Variants in SHISA8 observed in about 807,000 individuals in gnomAD.
SHISA8 encodes shisa family member 8.
A neutral mutation model predicts 21.1 loss-of-function variants in SHISA8; 21 were observed. The observed-to-expected ratio is 0.99, with a 90% CI of 0.71 to 1.43. The LOEUF (loss-of-function observed/expected upper bound fraction) is 1.43, where lower values mean the gene tolerates loss of function less well. Among genes scored for constraint, SHISA8 ranks in the 40% most tolerant of loss-of-function variants. The probability of loss-of-function intolerance (pLI) is 0.00; values close to 1 mark genes in which losing one functional copy is unlikely to be tolerated. For missense variants in SHISA8, 535 were observed against 599.1 expected, an observed-to-expected ratio of 0.89 and a Z score of 1.12; for synonymous variants, 300 against 291.4, an observed-to-expected ratio of 1.03 and a Z score of -0.30.
chr22:41,913,333 G>A (rs928758247), intron 1 of SHISA8, among the ~76,000 whole-genome samples: 8 of 152,272 alleles, frequency 5.3e-5, no homozygotes, highest in African/African-American at 9.6e-5. Context: ...TGCTGGGACC[G>A]GGTGGATGAG....
At chr22:41,911,863 A>G (rs1275523404) in intron 1 of SHISA8, among the ~76,000 whole-genome samples, 1 of 152,114 alleles carries the variant, frequency 6.6e-6, no homozygotes, top group Non-Finnish European at 1.5e-5. Context: ...CTCCAGCCTC[A>G]GCTTCCCTAG....
chr22:41,910,231 G>T lies in SHISA8; in HGVS notation c.812-84C>A. 8.2e-7 allele frequency: 1 copy of T among 1,226,508 alleles called. No individual in the cohort carries two copies. The highest frequency in any genetic ancestry group is 4.3e-5 in the Admixed American group (1 of 23,280). 76.0% of individuals were successfully genotyped at this position (1,226,508 alleles called of 1,614,324 possible). Reference sequence around the variant, plus strand: ...ACAAGGGGTCCCGGCCGGGGACTGGGACGGGGACCGGGCCGGGGCGGGCCG... The same window carrying T: ...ACAAGGGGTCCCGGCCGGGGACTGGTACGGGGACCGGGCCGGGGCGGGCCG... On this transcript the variant is annotated intron_variant, in intron 3 of 3. Transcript: ENST00000621082. This position sits in a 1 kb window ranked among gnomAD's most constrained non-coding sequence, Gnocchi z 6.8.
chr22:41,913,568 C>G (rs7292594), intron 1 of SHISA8, among the ~76,000 whole-genome samples: 2,484 of 152,340 alleles, frequency 0.016, 71 homozygotes, highest in African/African-American at 0.058. Context: ...AGTCCCCTTT[C>G]TACGCAGAGG....
Position 41,909,599 on chromosome 22 carries a change from G to T in SHISA8, c.*166C>A. On this transcript the variant is annotated 3_prime_UTR_variant, in exon 4 of 4. Transcript: ENST00000621082. ...CTCAGGGGCAGGAACCACATAAAAG[G>T]GCTTATTTACAAGACGAACCCGCGG... 1 of 898,902 alleles carries T rather than the reference G, an allele frequency of 1.1e-6. No homozygotes were observed. The highest frequency in any genetic ancestry group is 1.5e-6 in the Non-Finnish European group (1 of 663,106). The allele number at this position is 898,902 out of a possible 1,614,324, so 55.7% of individuals were successfully genotyped here. A position where few individuals can be genotyped will look rare whatever the true frequency, so the allele number is the denominator to read the frequency against.
chr22:41,913,081 G>A (rs2146577304), intron 1 of SHISA8, among the ~76,000 whole-genome samples: 1 of 152,374 alleles, frequency 6.6e-6, no homozygotes, highest in Admixed American at 6.5e-5. Flanking sequence ...CAGTGCAGAA[G>A]CTGAGGGTGG....
rs1320032914 is a variant in SHISA8, at chr22:41,911,251, TC to T, written c.628del (p.Asp210ThrfsTer41). The T allele has an allele frequency of 7.8e-7, 1 of 1,282,448 alleles. No individual in the cohort carries two copies. The highest frequency in any genetic ancestry group is 2.6e-5 in the South Asian group (1 of 38,132). The allele number at this position is 1,282,448 out of a possible 1,614,324, so 79.4% of individuals were successfully genotyped here. ...LGGCVQVQMG[D>X]GLPRGSPHNS... ...GTGGGGGGAGCCCCGGGGGAGGCCG[TC>T]CCCCATCTGCACCTGGACACAGCCA... On this transcript the variant is annotated frameshift_variant, in exon 2 of 4. Transcript: ENST00000621082. LOFTEE classifies it high-confidence loss of function.
rs1286745408 is a variant in SHISA8 at position 41,914,850 on chromosome 22, C to T, written c.-183G>A. On this transcript the variant is annotated 5_prime_UTR_variant, in exon 1 of 4. Transcript: ENST00000621082. The surrounding 1 kb of genome is among the most constrained non-coding windows in gnomAD (Gnocchi z 6.8). ...GTCTGGAGCTCCGAGGCCGCACCTC[C>T]GGTGGGCGCGTCCTCCGCCCGGGCT... 1.3e-5 allele frequency among the ~76,000 whole-genome samples: 2 copies of T among 151,264 alleles called. No individual in the cohort carries two copies. Among genetic ancestry groups the T allele is most frequent in the South Asian group, 2.1e-4 (1 of 4,836 alleles).
At position 41,910,510 on chromosome 22, in the gene SHISA8, C is replaced by T; in HGVS notation, c.709G>A (p.Gly237Arg). Residue 237 changes from glycine to arginine, a missense_variant, in exon 3 of 4, where the codon GGG (glycine) becomes AGG (arginine). Gly to Arg is a moderately radical substitution (Grantham distance 125). Coordinates refer to ENST00000621082, the MANE Select transcript of SHISA8 (RefSeq NM_001207020.3). The surrounding 1 kb of genome is among the most constrained non-coding windows in gnomAD (Gnocchi z 6.8). ...NNAPRGSAAPGPPRGPRLQGG... is the reference protein window; with the variant it reads ...NNAPRGSAAPRPPRGPRLQGG... ...TGCAGCCGCGGGCCGCGCGGGGGCC[C>T]CGGGGCGGCCGACCCCCGGGGCGCG... 9 of 1,254,098 alleles carry T rather than the reference C, an allele frequency of 7.2e-6. No homozygotes were observed. Among genetic ancestry groups the T allele is most frequent in the Non-Finnish European group, 8.9e-6 (9 of 1,005,860 alleles). The allele number at this position is 1,254,098 out of a possible 1,614,324, so 77.7% of individuals were successfully genotyped here. A position where few individuals can be genotyped will look rare whatever the true frequency, so the allele number is the denominator to read the frequency against.
At chr22:41,911,807 G>A (rs12628271) in intron 1 of SHISA8, among the ~76,000 whole-genome samples, 2 of 152,026 alleles carry the variant, frequency 1.3e-5, no homozygotes, top group East Asian at 3.8e-4. Flanking sequence ...GTGCAATGGC[G>A]CAATCTTGGC....
chr22:41,914,205 C>T lies in SHISA8; in HGVS notation c.463G>A (p.Ala155Thr). 6.8e-7 allele frequency: 1 copy of T among 1,463,200 alleles called. No homozygotes were observed. Among genetic ancestry groups the T allele is most frequent in the Non-Finnish European group, 9.0e-7 (1 of 1,116,604 alleles). 90.6% of individuals were successfully genotyped at this position (1,463,200 alleles called of 1,614,324 possible). ...AGTCCCAGGCGCGCCCCGATGCCGG[C>T]CAGCACCAGCAGCGCTGCGACGCCG... ...VCGVAALLVL[A>T]GIGARLGLER... is the part of the protein sequence containing the mutation. The change falls in exon 1 of 4, where the codon GCC becomes ACC. Residue 155 changes from alanine (A) to threonine (T), a missense_variant. Physicochemically the swap from Ala to Thr is moderately conservative, Grantham distance 58. Transcript: ENST00000621082. The surrounding 1 kb of genome is among the most constrained non-coding windows in gnomAD (Gnocchi z 6.8).
Position 41,914,658 on chromosome 22 carries a change from C to T in SHISA8, c.10G>A (p.Ala4Thr), listed in dbSNP as rs892909374. ...CCGCCGAGCAGTCCCCGCGCCCCGGCCCGCGCCATCGGGCCCGCGCCTCCC... is the reference window on the plus strand; with the variant it reads ...CCGCCGAGCAGTCCCCGCGCCCCGGTCCGCGCCATCGGGCCCGCGCCTCCC... The part of the protein sequence containing the change: MAR[A>T]GARGLLGGRR... The change falls in exon 1 of 4, where the codon GCC (alanine) becomes ACC (threonine). Residue 4 changes from alanine to threonine, a missense_variant. Coordinates refer to ENST00000621082, the MANE Select transcript of SHISA8 (RefSeq NM_001207020.3). This position sits in a 1 kb window ranked among gnomAD's most constrained non-coding sequence, Gnocchi z 6.8. The T allele has an allele frequency of 1.8e-4, 188 of 1,019,084 alleles. No individual in the cohort carries two copies. Among genetic ancestry groups the T allele is most frequent in the Non-Finnish European group, 2.1e-4 (183 of 853,910 alleles). 63.1% of individuals were successfully genotyped at this position (1,019,084 alleles called of 1,614,324 possible). A position where few individuals can be genotyped will look rare whatever the true frequency, so the allele number is the denominator to read the frequency against.
At chr22:41,912,520 T>C (rs1163356431) in intron 1 of SHISA8, among the ~76,000 whole-genome samples, 1 of 152,178 alleles carries the variant, frequency 6.6e-6, no homozygotes, top group African/African-American at 2.4e-5. Context: ...CTCAAGCTCC[T>C]GTCTCCCTGA....
In SHISA8 at chr22:41,909,795, C is replaced by T; in HGVS notation, c.1164G>A (p.Arg388=). ...CGGTGACCTCGGTCTTGCTATTGGT[C>T]CTTAGGTACCGGGACCCGCGGCCCG... ...GSAGRGSRYL[R]TNSKTEVTV The change falls in exon 4 of 4, where the codon AGG becomes AGA. Residue 388 remains arginine (R), a synonymous_variant. Coordinates refer to ENST00000621082, the MANE Select transcript of SHISA8 (RefSeq NM_001207020.3). The T allele has an allele frequency of 1.3e-6, 2 of 1,502,174 alleles. No homozygotes were observed. Among genetic ancestry groups the T allele is most frequent in the Non-Finnish European group, 1.8e-6 (2 of 1,130,830 alleles). The allele number at this position is 1,502,174 out of a possible 1,614,324, so 93.1% of individuals were successfully genotyped here.
In SHISA8 at chr22:41,909,993, C is replaced by G; in HGVS notation, c.966G>C (p.Pro322=). 7.6e-7 allele frequency: 1 copy of G among 1,317,140 alleles called. No homozygotes were observed. The highest frequency in any genetic ancestry group is 9.6e-7 in the Non-Finnish European group (1 of 1,041,466). The allele number at this position is 1,317,140 out of a possible 1,614,324, so 81.6% of individuals were successfully genotyped here. The change falls in exon 4 of 4, where the codon CCG becomes CCC. Residue 322 remains proline (P), a synonymous_variant. Coordinates refer to ENST00000621082, the MANE Select transcript of SHISA8 (RefSeq NM_001207020.3). ...APPVYAPPAA[P]GPYAAWTSSR... ...TGGAGGTCCAGGCGGCATAGGGGCC[C>G]GGCGCGGCAGGGGGCGCGTAGACCG...
chr22:41,911,977 G>A (rs575825366), intron 1 of SHISA8, among the ~76,000 whole-genome samples: 3 of 152,118 alleles, frequency 2.0e-5, no homozygotes, highest in Non-Finnish European at 4.4e-5. Flanking sequence ...CAACTCCGCC[G>A]GTCTCGGCCT....
rs1415977176 is a variant in SHISA8, at chr22:41,914,189, C to A, written c.479G>T (p.Arg160Leu). 2 of 1,466,924 alleles carry A rather than the reference C, an allele frequency of 1.4e-6. No individual in the cohort carries two copies. The highest frequency in any genetic ancestry group is 4.9e-5 in the Admixed American group (2 of 40,432). 90.9% of individuals were successfully genotyped at this position (1,466,924 alleles called of 1,614,324 possible). Reference sequence around the variant, plus strand: ...GCTGTGCGCCCTCTCCAGTCCCAGGCGCGCCCCGATGCCGGCCAGCACCAG... The same window carrying A: ...GCTGTGCGCCCTCTCCAGTCCCAGGAGCGCCCCGATGCCGGCCAGCACCAG... ...ALLVLAGIGA[R>L]LGLERAHSPR... Residue 160 changes from arginine (R) to leucine (L), a missense_variant, in exon 1 of 4, where the codon CGC (arginine) becomes CTC (leucine). By Grantham distance (102) the Arg-to-Leu change is moderately radical (BLOSUM62 -2). Coordinates refer to ENST00000621082, the MANE Select transcript of SHISA8 (RefSeq NM_001207020.3). The surrounding 1 kb of genome is among the most constrained non-coding windows in gnomAD (Gnocchi z 6.8).
rs1428263032 is a variant in SHISA8, at chr22:41,910,029, G to C, written c.930C>G (p.Pro310=). Residue 310 remains proline (P), a synonymous_variant, in exon 4 of 4, where the codon CCC becomes CCG. Transcript: ENST00000621082. The surrounding 1 kb of genome is among the most constrained non-coding windows in gnomAD (Gnocchi z 6.8). ...PDLPAPLDAC[P]WAPPVYAPPA... ...GGGGCGCGTAGACCGGCGGGGCCCA[G>C]GGGCAGGCGTCCAGCGGCGCAGGCA... is the stretch of plus-strand genomic sequence containing the variant. 1 of 1,265,198 alleles carries C rather than the reference G, an allele frequency of 7.9e-7. No individual in the cohort carries two copies. The allele number at this position is 1,265,198 out of a possible 1,614,324, so 78.4% of individuals were successfully genotyped here.
intron 2 of SHISA8, 150 bp downstream of exon 2, chr22:41,911,066 C>T: frequency 9.3e-7 from 1 of 1,071,118 alleles, no homozygotes; most frequent in Non-Finnish European, 1.2e-6. Flanking sequence ...CCCTGGCGAG[C>T]TGGCTGGCCG....
In SHISA8 at chr22:41,910,068, T is replaced by A; in HGVS notation, c.891A>T (p.Arg297=). ...GCGGCGCAGGCAAGTCCGGGGATGG[T>A]CGCGGAGCCCGCGCCGGGGGTTGCC... ...SPRQPPARAP[R]PSPDLPAPLD... is the part of the protein sequence containing the mutation. The change falls in exon 4 of 4, where the codon CGA becomes CGT. Residue 297 remains arginine (R), a synonymous_variant. Coordinates refer to ENST00000621082, the MANE Select transcript of SHISA8 (RefSeq NM_001207020.3). This position sits in a 1 kb window ranked among gnomAD's most constrained non-coding sequence, Gnocchi z 6.8. 8.1e-7 allele frequency: 1 copy of A among 1,240,450 alleles called. No homozygotes were observed. The highest frequency in any genetic ancestry group is 1.0e-6 in the Non-Finnish European group (1 of 995,542). 76.8% of individuals were successfully genotyped at this position (1,240,450 alleles called of 1,614,324 possible).
Sources: allele counts gnomAD v4.1 joint callset (sites outside exome capture counted in the v4.1 genomes callset), GRCh38; gene constraint gnomAD v4.1.1; non-coding constraint Gnocchi (gnomAD v3.1); transcripts MANE v1.5; gene names NCBI Gene and HGNC (gene_info 2026-07-23, HGNC 2026-07-21).